The following RRM2 variants were observed in gnomAD, a reference collection of about 807,000 sequenced individuals.
RRM2 encodes the protein ribonucleotide reductase regulatory subunit M2.
RRM2 carries 6 observed loss-of-function variants against 45.9 expected under a neutral mutation model. The ratio of observed to expected loss-of-function variants is 0.13; its 90% CI spans 0.07 to 0.26. The LOEUF is 0.26. Ranked by LOEUF, RRM2 falls within the 10% of genes least tolerant of loss-of-function variation. The probability of loss-of-function intolerance (pLI) is 1.00; values close to 1 mark genes in which losing one functional copy is unlikely to be tolerated. For missense variants in RRM2, 343 were observed against 489.5 expected, an observed-to-expected ratio of 0.70 and a Z score of 2.82; for synonymous variants, 177 against 173.0, an observed-to-expected ratio of 1.02 and a Z score of -0.18.
chr2:10,182,366 C>CA (rs946101442), intron 3 of RRM2, among the ~76,000 whole-genome samples: 54 of 146,560 alleles, frequency 3.7e-4, no homozygotes, highest in South Asian at 2.7e-3. Flanking sequence ...AACAAACAAA[C>CA]AAAAAAAAAC....
chr2:10,128,745 G>A (rs1662836866), intron 7 of RRM2, 103 bp from the exon 8 acceptor site: 5 of 806,124 alleles, frequency 6.2e-6, no homozygotes, highest in South Asian at 6.1e-5. Flanking sequence ...GTATGGCTGA[G>A]CATGTTGGAT....
chr2:10,166,105 G>A (rs1383506729), intron 3 of RRM2, among the ~76,000 whole-genome samples: 2 of 152,354 alleles, frequency 1.3e-5, no homozygotes, highest in Non-Finnish European at 2.9e-5. Flanking sequence ...TTAGCTTGGT[G>A]AGGGCAGCGT....
At chr2:10,210,400 C>G (rs1458482965) in exon 4 of RRM2, 1 of 1,367,768 alleles carries the variant, frequency 7.3e-7, no homozygotes. Context: ...GTGCTCACAG[C>G]AAGACACCCA....
At chr2:10,202,523 G>A (rs567916874) in intron 3 of RRM2, among the ~76,000 whole-genome samples, 15 of 152,202 alleles carry the variant, frequency 9.9e-5, no homozygotes, top group South Asian at 2.1e-4. Flanking sequence ...GGGTATTTAC[G>A]GGTTTAGGGA....
intron 3 of RRM2, among the ~76,000 whole-genome samples, chr2:10,178,604 G>A (rs1663981168): frequency 6.6e-6 from 1 of 152,068 alleles, no homozygotes; most frequent in African/African-American, 2.4e-5. Flanking sequence ...TTATACCTTT[G>A]TCACCATAAG....
exon 4 of RRM2, chr2:10,210,795 G>A (rs1664748832): frequency 2.6e-6 from 1 of 387,238 alleles, no homozygotes; most frequent in African/African-American, 2.1e-5. Context: ...GATGGTGTCA[G>A]GAGGTGGAGC....
At chr2:10,124,011 GTTCT>G (rs1247432092) in intron 4 of RRM2, 159 bp downstream of exon 4, 2 of 643,666 alleles carry the variant, frequency 3.1e-6, no homozygotes, top group East Asian at 2.6e-5. Context: ...ACACTTTGCA[GTTCT>G]TTCTTATGGT....
At chr2:10,147,697 A>C (rs1305674473) in intron 3 of RRM2, among the ~76,000 whole-genome samples, 1 of 152,238 alleles carries the variant, frequency 6.6e-6, no homozygotes, top group Non-Finnish European at 1.5e-5. Flanking sequence ...TACTAAAAAC[A>C]CTTATGAAAA....
At position 10,127,985 on chromosome 2, in the gene RRM2, T is replaced by A. The variant is rs1179093838; in HGVS notation, c.798+765T>A. On this transcript the variant is annotated intron_variant, in intron 7 of 9. Transcript: ENST00000304567. This position sits in a 1 kb window ranked among gnomAD's most constrained non-coding sequence, Gnocchi z 4.1. ...ATTGAGACCATCCTGGCTAACACGG[T>A]GAAACCCCATCTCTACTAAAAATAC... Among the ~76,000 whole-genome samples the A allele has an allele frequency of 6.6e-6, 1 of 151,740 alleles. No individual in the cohort carries two copies. The highest frequency in any genetic ancestry group is 2.4e-5 in the African/African-American group (1 of 41,318).
intron 3 of RRM2, among the ~76,000 whole-genome samples, chr2:10,164,461 C>CT (rs1663639651): frequency 6.6e-6 from 1 of 152,188 alleles, no homozygotes; most frequent in African/African-American, 2.4e-5. Flanking sequence ...CTGAGGGTCA[C>CT]TGTAACGACC....
At chr2:10,203,475 G>C (rs1664601971) in intron 3 of RRM2, among the ~76,000 whole-genome samples, 1 of 152,190 alleles carries the variant, frequency 6.6e-6, no homozygotes, top group African/African-American at 2.4e-5. Context: ...GGTTGGCCAG[G>C]CACAGTGGCT....
upstream of RRM2, among the ~76,000 whole-genome samples, chr2:10,140,980 T>C (rs377555742): frequency 1.8e-4 from 27 of 152,284 alleles, no homozygotes; most frequent in South Asian, 2.9e-3. Context: ...GCCCCGGGCA[T>C]GTGGAGGCTG....
intron 3 of RRM2, among the ~76,000 whole-genome samples, chr2:10,159,836 G>A (rs1663519236): frequency 6.6e-6 from 1 of 152,166 alleles, no homozygotes; most frequent in African/African-American, 2.4e-5. Flanking sequence ...CTGGGAGCCT[G>A]CCCCCCAGTT....
chr2:10,191,463 G>A (rs1283742338), intron 3 of RRM2, among the ~76,000 whole-genome samples: 1 of 152,224 alleles, frequency 6.6e-6, no homozygotes, highest in Non-Finnish European at 1.5e-5. Flanking sequence ...AGGTGGCAGT[G>A]AGTAGCCAGT....
chr2:10,124,790 A>G lies in RRM2; in HGVS notation c.509A>G (p.Asn170Ser). The G allele has an allele frequency of 6.2e-7, 1 of 1,612,588 alleles. No homozygotes were observed. Among genetic ancestry groups the G allele is most frequent in the Non-Finnish European group, 8.5e-7 (1 of 1,179,336 alleles). Residue 170 changes from asparagine to serine, a missense_variant, in exon 5 of 10, where the codon AAC becomes AGC. Around this residue, in one of 2 missense-constraint regions of RRM2, gnomAD observed 212 missense variants for 368.1 expected, o/e 0.58. Transcript: ENST00000304567. ...TATGGCTTCCAAATTGCCATGGAAA[A>G]CATACATTCTGAAATGTATAGTCTT... ...CFYGFQIAMENIHSEMYSLLI... is the reference protein window; with the variant it reads ...CFYGFQIAMESIHSEMYSLLI...
chr2:10,196,721 G>T (rs1208032136), intron 3 of RRM2, among the ~76,000 whole-genome samples: 1 of 152,270 alleles, frequency 6.6e-6, no homozygotes, highest in Non-Finnish European at 1.5e-5. Flanking sequence ...AGGGCGATGG[G>T]GCTGGGCAGG....
intron 3 of RRM2, among the ~76,000 whole-genome samples, chr2:10,143,413 G>A (rs561383177): frequency 4.6e-5 from 7 of 152,322 alleles, no homozygotes; most frequent in South Asian, 4.1e-4. Flanking sequence ...GCACAGAATC[G>A]TACACTTTTC....
chr2:10,170,726 G>A (rs1039033101), intron 3 of RRM2, among the ~76,000 whole-genome samples: 11 of 152,274 alleles, frequency 7.2e-5, no homozygotes, highest in African/African-American at 2.4e-4. Context: ...CTGGAAGGGG[G>A]TGTGCAGGCT....
intron 3 of RRM2, among the ~76,000 whole-genome samples, chr2:10,143,469 C>T (rs550176694): frequency 1.3e-5 from 2 of 152,340 alleles, no homozygotes; most frequent in South Asian, 2.1e-4. Flanking sequence ...GGATGGGGTC[C>T]GTGTCCTCCG....
Sources: allele counts gnomAD v4.1 joint callset (sites outside exome capture counted in the v4.1 genomes callset), GRCh38; gene constraint gnomAD v4.1.1; regional missense constraint gnomAD v4.1.1; non-coding constraint Gnocchi (gnomAD v3.1); transcripts MANE v1.5; gene names NCBI Gene and HGNC (gene_info 2026-07-23, HGNC 2026-07-21).